Variants in POU2F1 observed in about 807,000 individuals in gnomAD.
POU2F1 encodes the protein POU domain, class 2, transcription factor 1.
A neutral mutation model predicts 84.9 loss-of-function variants in POU2F1; 16 were observed. The observed-to-expected ratio is 0.19, with a 90% CI of 0.13 to 0.29. POU2F1 has a LOEUF of 0.29. Among genes scored for constraint, POU2F1 ranks in the 10% least tolerant of loss-of-function variants. The pLI is 1.00. For synonymous variants in POU2F1, 368 were observed against 368.3 expected, an observed-to-expected ratio of 1.00 and a Z score of 0.01; for missense variants, 738 against 942.6, an observed-to-expected ratio of 0.78 and a Z score of 2.84.
intron 13 of POU2F1, among the ~76,000 whole-genome samples, chr1:167,402,071 C>A (rs1649253801): frequency 6.6e-6 from 1 of 152,144 alleles, no homozygotes; most frequent in Non-Finnish European, 1.5e-5. Flanking sequence ...TTTGATTATT[C>A]TTTTTGAACT....
intron 10 of POU2F1, among the ~76,000 whole-genome samples, chr1:167,397,374 C>A (rs1648882733): frequency 6.6e-6 from 1 of 152,134 alleles, no homozygotes. Flanking sequence ...AACTTATAAA[C>A]AAACAGAACT....
At chr1:167,333,250 C>T (rs1303370064) in intron 2 of POU2F1, among the ~76,000 whole-genome samples, 3 of 152,166 alleles carry the variant, frequency 2.0e-5, no homozygotes, top group Non-Finnish European at 4.4e-5. Flanking sequence ...GGCTCATACT[C>T]TTGAGTCAGT....
intron 2 of POU2F1, among the ~76,000 whole-genome samples, chr1:167,351,476 G>T (rs1658559955): frequency 7.8e-6 from 1 of 128,336 alleles, no homozygotes; most frequent in Non-Finnish European, 1.5e-5. Flanking sequence ...CCGAGATCGC[G>T]CCACTGCACT....
At chr1:167,380,505 C>G (rs1252211695) in intron 7 of POU2F1, 1 of 152,178 alleles carries the variant, frequency 6.6e-6, no homozygotes, top group Non-Finnish European at 1.5e-5. Context: ...ATTCGTTAGT[C>G]GTATGTGACC....
chr1:167,379,710 AG>A (rs1647379076), intron 7 of POU2F1: 2 of 152,250 alleles, frequency 1.3e-5, no homozygotes, highest in Non-Finnish European at 2.9e-5. Flanking sequence ...TGTGTTTATT[AG>A]ATTTGTTAAT....
In POU2F1 at chr1:167,417,331, G is replaced by C. The variant is rs1295918573; in HGVS notation, c.*1521G>C. 2.6e-5 allele frequency: 4 copies of C among 152,186 alleles called. No individual in the cohort carries two copies. Among genetic ancestry groups the C allele is most frequent in the Admixed American group, 2.0e-4 (3 of 15,280 alleles). The allele number at this position is 152,186 out of a possible 1,614,324, so 9.4% of individuals were successfully genotyped here. ...TCCTTGGTTTGTTCATGATGCTCCTGCTAGGTAGGTCTAAATGGCAATACA... is the reference window on the plus strand; with the variant it reads ...TCCTTGGTTTGTTCATGATGCTCCTCCTAGGTAGGTCTAAATGGCAATACA... On this transcript the variant is annotated 3_prime_UTR_variant, in exon 16 of 16. Coordinates refer to ENST00000367866, the MANE Select transcript of POU2F1 (RefSeq NM_002697.4).
chr1:167,302,063 C>A (rs929464201), intron 1 of POU2F1, among the ~76,000 whole-genome samples: 2 of 151,834 alleles, frequency 1.3e-5, no homozygotes, highest in African/African-American at 4.8e-5. Context: ...AAAAACAACT[C>A]CTTTTATTTA....
At chr1:167,280,216 A>G (rs941763725) in intron 1 of POU2F1, among the ~76,000 whole-genome samples, 15 of 151,916 alleles carry the variant, frequency 9.9e-5, no homozygotes, top group Non-Finnish European at 1.5e-5. Flanking sequence ...CTTATTGTAA[A>G]TGTGTGATAT....
At chr1:167,279,451 C>T (rs1329587884) in intron 1 of POU2F1, among the ~76,000 whole-genome samples, 3 of 152,096 alleles carry the variant, frequency 2.0e-5, no homozygotes, top group African/African-American at 7.2e-5. Flanking sequence ...TATAGAAATT[C>T]TTGATAATTT....
rs1011543999 is a variant in POU2F1, at chr1:167,412,393, T to TG, written c.1901+93dup. On this transcript the variant is annotated intron_variant, in intron 14 of 15. Transcript: ENST00000367866. Reference sequence around the variant, plus strand: ...GGAGACTTTACATCACTGACTTAGATGGGGAAAAAAATGTCTTTAAAGCAG... The same window carrying TG: ...GGAGACTTTACATCACTGACTTAGATGGGGGAAAAAAATGTCTTTAAAGCAG... 1.5e-4 allele frequency: 176 copies of TG among 1,140,896 alleles called. No individual in the cohort carries two copies. The Admixed American group carries it at 1.8e-3, about 11-fold the overall frequency. The allele number at this position is 1,140,896 out of a possible 1,614,324, so 70.7% of individuals were successfully genotyped here.
chr1:167,240,823 T>C (rs1184275987), intron 1 of POU2F1, among the ~76,000 whole-genome samples: 1 of 152,108 alleles, frequency 6.6e-6, no homozygotes, highest in African/African-American at 2.4e-5. Flanking sequence ...AACCTTTGCT[T>C]TGGGGACACC....
chr1:167,289,643 TG>T (rs1653778566), intron 1 of POU2F1, among the ~76,000 whole-genome samples: 1 of 152,368 alleles, frequency 6.6e-6, no homozygotes, highest in East Asian at 1.9e-4. Flanking sequence ...TAACATATTT[TG>T]TGGAAATTAA....
chr1:167,413,317 T>A (rs191072353), intron 15 of POU2F1, among the ~76,000 whole-genome samples: 107 of 152,334 alleles, frequency 7.0e-4, no homozygotes, highest in Non-Finnish European at 1.4e-3. Flanking sequence ...AAGAAAAGTA[T>A]AGGTGTTAGT....
At chr1:167,231,032 CT>C (rs1649028960) in intron 1 of POU2F1, among the ~76,000 whole-genome samples, 1 of 152,140 alleles carries the variant, frequency 6.6e-6, no homozygotes, top group South Asian at 2.1e-4. Flanking sequence ...CTTAGCATAC[CT>C]TGAATAATGG....
chr1:167,222,148 C>T (rs917286016), intron 1 of POU2F1, among the ~76,000 whole-genome samples: 64 of 152,264 alleles, frequency 4.2e-4, no homozygotes, highest in Middle Eastern at 3.4e-3. Context: ...AAAGGGCTGC[C>T]CTCCTGCCCC....
Position 167,371,923 on chromosome 1 carries a change from T to C in POU2F1, c.289T>C (p.Ser97Pro). The change falls in exon 5 of 16, where the codon TCT (serine) becomes CCT (proline). Residue 97 changes from serine to proline, a missense_variant. By Grantham distance (74) the Ser-to-Pro change is moderately conservative. Around this residue, in one of 4 missense-constraint regions of POU2F1, gnomAD observed 161 missense variants for 147.0 expected, o/e 1.10. Transcript: ENST00000367866. ...CCTACCCACCCCACCTCAGTCTAAA[T>C]CTAATGAAGAATCGGGGGATTCGCA... is the stretch of plus-strand genomic sequence containing the variant. ...AAQSLNVQSK[S>P]NEESGDSQQP... The C allele has an allele frequency of 6.2e-7, 1 of 1,614,188 alleles. No individual in the cohort carries two copies. Among genetic ancestry groups the C allele is most frequent in the African/African-American group, 1.3e-5 (1 of 75,052 alleles).
chr1:167,349,564 A>G (rs868052992), intron 2 of POU2F1, among the ~76,000 whole-genome samples: 8 of 152,198 alleles, frequency 5.3e-5, no homozygotes, highest in Non-Finnish European at 1.0e-4. Flanking sequence ...GCTATACAGT[A>G]TATGCTCAAT....
intron 1 of POU2F1, among the ~76,000 whole-genome samples, chr1:167,257,045 A>G (rs1348550250): frequency 1.3e-5 from 2 of 152,182 alleles, no homozygotes; most frequent in South Asian, 2.1e-4. Context: ...TCTTGATGCT[A>G]TCTATTGCTC....
rs1180221166 is a variant in POU2F1, at chr1:167,326,057, A to G, written c.62-6413A>G. 3.9e-5 allele frequency among the ~76,000 whole-genome samples: 6 copies of G among 152,018 alleles called. No individual in the cohort carries two copies. The East Asian group carries it at 1.2e-3, about 29-fold the overall frequency. ...TTTTATACTTCCATATGTTACTACT[A>G]TTTCCTATTATTACTACCTTCTATG... On this transcript the variant is annotated intron_variant, in intron 1 of 15. Coordinates refer to ENST00000367866, the MANE Select transcript of POU2F1 (RefSeq NM_002697.4).
Sources: allele counts gnomAD v4.1 joint callset (sites outside exome capture counted in the v4.1 genomes callset), GRCh38; gene constraint gnomAD v4.1.1; regional missense constraint gnomAD v4.1.1; transcripts MANE v1.5; gene names NCBI Gene and HGNC (gene_info 2026-07-23, HGNC 2026-07-21).